The following ST8SIA4 variants were observed in gnomAD, a reference collection of about 807,000 sequenced individuals.
The protein encoded by ST8SIA4 is ST8 alpha-N-acetyl-neuraminide alpha-2,8-sialyltransferase 4.
Under a neutral mutation model 33.9 loss-of-function variants are expected in ST8SIA4, and 15 were observed. The observed-to-expected ratio is 0.44, with a 90% CI of 0.30 to 0.68. The LOEUF is 0.68. Among genes scored for constraint, ST8SIA4 ranks in the 30% least tolerant of loss-of-function variants. ST8SIA4 has a pLI of 0.10. For synonymous variants in ST8SIA4, 171 were observed against 151.2 expected, an observed-to-expected ratio of 1.13 and a Z score of -0.96; for missense variants, 321 against 428.0, an observed-to-expected ratio of 0.75 and a Z score of 2.21.
chr5:100,864,531 C>A (rs1443776203), intron 3 of ST8SIA4, among the ~76,000 whole-genome samples: 1 of 142,006 alleles, frequency 7.0e-6, no homozygotes, highest in Non-Finnish European at 1.5e-5. Context: ...GCCGAGATTA[C>A]GCCACTGGAC....
intron 4 of ST8SIA4, among the ~76,000 whole-genome samples, chr5:100,855,329 C>T (rs1227696474): frequency 1.3e-5 from 2 of 152,096 alleles, no homozygotes; most frequent in East Asian, 3.9e-4. Context: ...CCTATTAGGC[C>T]ACTAGTGAAT....
Position 100,808,605 on chromosome 5 carries a change from AT to A in ST8SIA4, c.*3241del, listed in dbSNP as rs754196780. On this transcript the variant is annotated 3_prime_UTR_variant, in exon 5 of 5. Coordinates refer to ENST00000231461, the MANE Select transcript of ST8SIA4 (RefSeq NM_005668.6). ...CAAGTACAGGGTTAAATAGTAAAAA[AT>A]AAATTAAAATATTAAAATTGTGAAT... 1.3e-5 allele frequency: 2 copies of A among 152,696 alleles called. No homozygotes were observed. Among genetic ancestry groups the A allele is most frequent in the Non-Finnish European group, 2.9e-5 (2 of 68,058 alleles). The allele number at this position is 152,696 out of a possible 1,614,324, so 9.5% of individuals were successfully genotyped here.
chr5:100,902,198 A>G (rs1272085516), intron 1 of ST8SIA4, among the ~76,000 whole-genome samples: 1 of 152,234 alleles, frequency 6.6e-6, no homozygotes, highest in Non-Finnish European at 1.5e-5. Flanking sequence ...CAAACTAAAA[A>G]AAATAGCAGA....
Position 100,810,936 on chromosome 5 carries a change from G to C in ST8SIA4, c.*911C>G, listed in dbSNP as rs541733142. 1.4e-4 allele frequency: 22 copies of C among 152,444 alleles called. No individual in the cohort carries two copies. Among genetic ancestry groups the C allele is most frequent in the African/African-American group, 5.1e-4 (21 of 41,552 alleles). 9.4% of individuals were successfully genotyped at this position (152,444 alleles called of 1,614,324 possible). A position where few individuals can be genotyped will look rare whatever the true frequency, so the allele number is the denominator to read the frequency against. On this transcript the variant is annotated 3_prime_UTR_variant, in exon 5 of 5. Transcript: ENST00000231461. ...CTCACGCCTGTAATCCCAGCACTTT[G>C]GGAGGCCAAGGCGGGTGGATCACGA...
intron 3 of ST8SIA4, among the ~76,000 whole-genome samples, chr5:100,860,920 G>A (rs553480423): frequency 6.6e-6 from 1 of 152,126 alleles, no homozygotes; most frequent in African/African-American, 2.4e-5. Context: ...CAAATTTTGA[G>A]CAGTTATTAA....
At chr5:100,888,822 C>T (rs1206350140) in intron 2 of ST8SIA4, among the ~76,000 whole-genome samples, 5 of 151,902 alleles carry the variant, frequency 3.3e-5, no homozygotes, top group African/African-American at 7.2e-5. Flanking sequence ...AATTAGAAAA[C>T]CAAGTGATTG....
intron 3 of ST8SIA4, among the ~76,000 whole-genome samples, chr5:100,874,538 CT>C (rs1302365658): frequency 2.6e-5 from 4 of 151,536 alleles, no homozygotes; most frequent in Admixed American, 2.6e-4. Flanking sequence ...TCCTTTTCCC[CT>C]CTCCCCTCTC....
At chr5:100,880,551 A>G (rs907575461) in intron 3 of ST8SIA4, among the ~76,000 whole-genome samples, 1 of 152,190 alleles carries the variant, frequency 6.6e-6, no homozygotes, top group Non-Finnish European at 1.5e-5. Flanking sequence ...GTTACTGGCA[A>G]GATATTAGTA....
intron 4 of ST8SIA4, among the ~76,000 whole-genome samples, chr5:100,844,921 A>G (rs1751536344): frequency 1.3e-5 from 2 of 152,076 alleles, no homozygotes; most frequent in African/African-American, 4.8e-5. Flanking sequence ...ATCTCTTACC[A>G]ATAGGAATCT....
intron 3 of ST8SIA4, among the ~76,000 whole-genome samples, chr5:100,859,329 A>C (rs1751883378): frequency 6.6e-6 from 1 of 152,128 alleles, no homozygotes; most frequent in Non-Finnish European, 1.5e-5. Context: ...ATTACTCTTA[A>C]TCTCATAAAA....
chr5:100,854,538 G>A (rs1007717673), intron 4 of ST8SIA4, among the ~76,000 whole-genome samples: 4 of 151,978 alleles, frequency 2.6e-5, no homozygotes, highest in South Asian at 2.1e-4. Context: ...AGCCGAGATC[G>A]CACCACTGCA....
At chr5:100,813,185 G>A (rs1282181862) in intron 4 of ST8SIA4, among the ~76,000 whole-genome samples, 6 of 151,768 alleles carry the variant, frequency 4.0e-5, no homozygotes, top group South Asian at 4.2e-4. Context: ...AAACTTTCCA[G>A]GGGAGATAAA....
chr5:100,888,574 GA>G (rs1752591276), intron 2 of ST8SIA4, among the ~76,000 whole-genome samples: 1 of 151,994 alleles, frequency 6.6e-6, no homozygotes, highest in African/African-American at 2.4e-5. Context: ...TAACATTTAA[GA>G]TATGATGGAA....
rs758132361 is a variant in ST8SIA4, at chr5:100,809,898, AT to A, written c.*1948del. 40 of 152,282 alleles carry A rather than the reference AT, an allele frequency of 2.6e-4. No homozygotes were observed. The highest frequency in any genetic ancestry group is 1.2e-3 in the East Asian group (6 of 5,186). The allele number at this position is 152,282 out of a possible 1,614,324, so 9.4% of individuals were successfully genotyped here. A position where few individuals can be genotyped will look rare whatever the true frequency, so the allele number is the denominator to read the frequency against. ...CCCAAGGTTTTACTATATTAAAAAA[AT>A]ATGACATCTAATTAAAAATATTGAG... On this transcript the variant is annotated 3_prime_UTR_variant, in exon 5 of 5. Transcript: ENST00000231461.
chr5:100,879,664 A>G (rs1028332671), intron 3 of ST8SIA4, among the ~76,000 whole-genome samples: 1 of 152,210 alleles, frequency 6.6e-6, no homozygotes, highest in Non-Finnish European at 1.5e-5. Flanking sequence ...CATAAGATAC[A>G]TTCTATAAAT....
intron 4 of ST8SIA4, among the ~76,000 whole-genome samples, chr5:100,827,329 G>A (rs1236413334): frequency 6.6e-6 from 1 of 152,060 alleles, no homozygotes; most frequent in Non-Finnish European, 1.5e-5. Context: ...AAGGACAACT[G>A]GATATCTTAA....
intron 3 of ST8SIA4, among the ~76,000 whole-genome samples, chr5:100,862,765 T>C (rs1177410833): frequency 3.3e-5 from 5 of 152,204 alleles, no homozygotes; most frequent in African/African-American, 4.8e-5. Context: ...GCATGTAATA[T>C]ATGTGATTCT....
rs73775455 is a variant in ST8SIA4, at chr5:100,873,004, T to G, written c.503+13339A>C. 2.4e-4 allele frequency among the ~76,000 whole-genome samples: 37 copies of G among 152,220 alleles called. 1 individual carries two copies. The highest frequency in any genetic ancestry group is 8.9e-4 in the African/African-American group (37 of 41,560). On this transcript the variant is annotated intron_variant, in intron 3 of 4. Coordinates refer to ENST00000231461, the MANE Select transcript of ST8SIA4 (RefSeq NM_005668.6). Reference sequence around the variant, plus strand: ...CTGGACACTGTAATCAAATGAACATTCTGACTCAGCAGACCAGGTGCAAGT... The same window carrying G: ...CTGGACACTGTAATCAAATGAACATGCTGACTCAGCAGACCAGGTGCAAGT...
At chr5:100,847,397 T>C (rs1423655600) in intron 4 of ST8SIA4, among the ~76,000 whole-genome samples, 1 of 152,082 alleles carries the variant, frequency 6.6e-6, no homozygotes, top group Non-Finnish European at 1.5e-5. Context: ...TGCTAAAGAC[T>C]ATTGGGAGCC....
Sources: gnomAD v4.1 joint callset for allele counts (sites outside exome capture counted in the v4.1 genomes callset) on GRCh38, gnomAD v4.1.1 for gene constraint, MANE v1.5 for transcripts, NCBI Gene and HGNC (gene_info 2026-07-23, HGNC 2026-07-21) for gene names.